The following GRIK4 variants were observed in gnomAD, a reference collection of about 807,000 sequenced individuals.
GRIK4 encodes the protein glutamate receptor ionotropic, kainate 4.
Under a neutral mutation model 104.9 loss-of-function variants are expected in GRIK4, and 40 were observed. That is an observed-to-expected ratio of 0.38 (90% CI 0.30 to 0.50). The LOEUF (loss-of-function observed/expected upper bound fraction) is 0.50. Ranked by LOEUF, GRIK4 falls within the 20% of genes least tolerant of loss-of-function variation. GRIK4 has a pLI of 0.93. For missense variants in GRIK4, 1,047 were observed against 1,308.1 expected (o/e 0.80, Z 3.08); for synonymous variants, 485 against 524.9 (o/e 0.92, Z 1.04).
At chr11:120,951,048 AG>A (rs1943989044) in intron 14 of GRIK4, among the ~76,000 whole-genome samples, 1 of 152,232 alleles carries the variant, frequency 6.6e-6, no homozygotes, top group African/African-American at 2.4e-5. Flanking sequence ...ATACTGTGAA[AG>A]AAAAACAGTT....
At chr11:120,740,680 C>T (rs547887734) in intron 3 of GRIK4, among the ~76,000 whole-genome samples, 1 of 152,204 alleles carries the variant, frequency 6.6e-6, no homozygotes, top group African/African-American at 2.4e-5. Context: ...AGTCTCTGTG[C>T]TCCCATGGAG....
At chr11:120,556,566 C>T (rs932277836) in intron 1 of GRIK4, among the ~76,000 whole-genome samples, 1 of 152,110 alleles carries the variant, frequency 6.6e-6, no homozygotes, top group African/African-American at 2.4e-5. Flanking sequence ...CTTGGGTGCG[C>T]CTACGTTCTT....
intron 3 of GRIK4, among the ~76,000 whole-genome samples, chr11:120,768,585 A>T (rs1401715227): frequency 6.6e-6 from 1 of 152,174 alleles, no homozygotes; most frequent in Non-Finnish European, 1.5e-5. Flanking sequence ...TACTATACTG[A>T]ATAGAAGTTA....
chr11:120,887,416 G>T (rs898835096), intron 11 of GRIK4, among the ~76,000 whole-genome samples: 3 of 152,194 alleles, frequency 2.0e-5, no homozygotes, highest in African/African-American at 7.2e-5. Context: ...TCTGCCCCAA[G>T]CCACTCTGCA....
intron 9 of GRIK4, chr11:120,871,279 A>G (rs1195941836): frequency 4.2e-6 from 1 of 235,334 alleles, no homozygotes; most frequent in African/African-American, 2.2e-5. Context: ...AGTCTGTGGC[A>G]TGTGAGAGGC....
chr11:120,669,718 C>G (rs1163693648), intron 3 of GRIK4, among the ~76,000 whole-genome samples: 1 of 152,232 alleles, frequency 6.6e-6, no homozygotes, highest in Non-Finnish European at 1.5e-5. Context: ...CTGGCTATTC[C>G]TTCTCAGTCT....
chr11:120,817,636 G>A (rs904390805), intron 5 of GRIK4, among the ~76,000 whole-genome samples: 2 of 152,154 alleles, frequency 1.3e-5, no homozygotes, highest in African/African-American at 2.4e-5. Context: ...ACACACCTCC[G>A]TGATGGCTTC....
intron 1 of GRIK4, among the ~76,000 whole-genome samples, chr11:120,542,158 T>G (rs2510877): frequency 0.3 from 45,122 of 151,994 alleles, 6,928 homozygotes; most frequent in Admixed American, 0.42. Flanking sequence ...TCCACACATA[T>G]GTGGTCAACT....
At chr11:120,625,938 A>G (rs1024575959) in intron 1 of GRIK4, among the ~76,000 whole-genome samples, 3 of 152,124 alleles carry the variant, frequency 2.0e-5, no homozygotes, top group Non-Finnish European at 4.4e-5. Flanking sequence ...TCTACTTCTG[A>G]TAAGGGACCT....
chr11:120,697,552 T>G (rs1950472224), intron 3 of GRIK4, among the ~76,000 whole-genome samples: 1 of 152,088 alleles, frequency 6.6e-6, no homozygotes, highest in Non-Finnish European at 1.5e-5. Flanking sequence ...AAGACAGAAG[T>G]TGTGGTGAGC....
chr11:120,580,196 GTTCTTTCTTTCTTTCTTTCTTTCTTTCT>G (rs71301639), intron 1 of GRIK4, among the ~76,000 whole-genome samples: 3 of 133,110 alleles, frequency 2.3e-5, no homozygotes, highest in Admixed American at 7.8e-5. Flanking sequence ...GAGTACAAGG[GTTCTTTCTTTCTTTCTTTCTTTCTTTCT>G]TTCTTTCTTT....
intron 1 of GRIK4, among the ~76,000 whole-genome samples, chr11:120,589,401 C>A (rs1486205623): frequency 6.6e-6 from 1 of 152,138 alleles, no homozygotes; most frequent in Non-Finnish European, 1.5e-5. Context: ...ATGCCAAGGG[C>A]TTTTCTAGAG....
chr11:120,979,355 G>A (rs1184519703), intron 19 of GRIK4, among the ~76,000 whole-genome samples: 1 of 152,106 alleles, frequency 6.6e-6, no homozygotes, highest in Admixed American at 6.5e-5. Flanking sequence ...TGCTGAGAAA[G>A]CACAGCCAGT....
At chr11:120,611,086 C>T (rs1949031989) in intron 1 of GRIK4, among the ~76,000 whole-genome samples, 1 of 152,170 alleles carries the variant, frequency 6.6e-6, no homozygotes, top group African/African-American at 2.4e-5. Flanking sequence ...AGGAGAGGGT[C>T]AGCTCACCTT....
At chr11:120,943,152 C>CACACACACACACACACACACA (rs1413495598) in intron 14 of GRIK4, among the ~76,000 whole-genome samples, 18 of 95,520 alleles carry the variant, frequency 1.9e-4, no homozygotes, top group East Asian at 1.3e-3. Context: ...ACACACACAC[C>CACACACACACACACACACACA]CCCCTGACTG....
rs1943545733 is a variant in GRIK4 at position 120,934,219 on chromosome 11, A to AAG, written c.1477-6127_1477-6126insGA. ...GACTCCGTCTCAAAAAAAAAAAAAA[A>AAG]AAAAAAAAAAAAGGTCAGCGTCATG... is the stretch of plus-strand genomic sequence containing the variant. On this transcript the variant is annotated intron_variant, in intron 13 of 20. Transcript: ENST00000527524. 5.3e-5 allele frequency among the ~76,000 whole-genome samples: 8 copies of AAG among 151,212 alleles called. No individual in the cohort carries two copies. The East Asian group carries it at 1.6e-3, about 29-fold the overall frequency.
At chr11:120,853,901 T>G (rs1366681349) in intron 8 of GRIK4, among the ~76,000 whole-genome samples, 1 of 152,202 alleles carries the variant, frequency 6.6e-6, no homozygotes, top group Non-Finnish European at 1.5e-5. Context: ...GAGCACACAG[T>G]AGGGAAGATA....
chr11:120,986,282 C>T lies in GRIK4; in HGVS notation c.*22C>T. On this transcript the variant is annotated 3_prime_UTR_variant, in exon 21 of 21. Coordinates refer to ENST00000527524, the MANE Select transcript of GRIK4 (RefSeq NM_014619.5). ...GTAGTCCCGGAGGCCACAGGACGCG[C>T]AGAGGCCGGGCGGGGCGGGAGGGGA... The T allele has an allele frequency of 6.7e-7, 1 of 1,501,364 alleles. No individual in the cohort carries two copies. Among genetic ancestry groups the T allele is most frequent in the Non-Finnish European group, 8.8e-7 (1 of 1,132,806 alleles). The allele number at this position is 1,501,364 out of a possible 1,614,324, so 93.0% of individuals were successfully genotyped here. A position where few individuals can be genotyped will look rare whatever the true frequency, so the allele number is the denominator to read the frequency against.
intron 4 of GRIK4, among the ~76,000 whole-genome samples, chr11:120,809,240 T>G (rs1952777354): frequency 6.6e-6 from 1 of 152,192 alleles, no homozygotes; most frequent in Non-Finnish European, 1.5e-5. Flanking sequence ...CATTTTGAGA[T>G]GAAGAAGTCC....
Sources: gnomAD v4.1 joint callset for allele counts (sites outside exome capture counted in the v4.1 genomes callset) on GRCh38, gnomAD v4.1.1 for gene constraint, MANE v1.5 for transcripts, NCBI Gene and HGNC (gene_info 2026-07-23, HGNC 2026-07-21) for gene names.